Variants in ANK3 observed in about 807,000 individuals in gnomAD.
The protein encoded by ANK3 is ankyrin-3.
Under a neutral mutation model 370.9 loss-of-function variants are expected in ANK3, and 57 were observed. The ratio of observed to expected loss-of-function variants is 0.15; its 90% CI spans 0.12 to 0.19. The LOEUF (loss-of-function observed/expected upper bound fraction) is 0.19, where lower values mean the gene tolerates loss of function less well. Ranked by LOEUF, ANK3 falls within the 10% of genes least tolerant of loss-of-function variation. The probability of loss-of-function intolerance (pLI) is 1.00; values close to 1 mark genes in which losing one functional copy is unlikely to be tolerated. For missense variants in ANK3, 4,439 were observed against 5,302.1 expected (o/e 0.84, Z 5.06); for synonymous variants, 1,929 against 1,946.3 (o/e 0.99, Z 0.23).
chr10:60,366,246 T>G (rs1416891560), intron 1 of ANK3, among the ~76,000 whole-genome samples: 2 of 152,034 alleles, frequency 1.3e-5, no homozygotes, highest in Non-Finnish European at 2.9e-5. Flanking sequence ...GGCAAGAGGA[T>G]AGCTTGAACC....
At chr10:60,597,446 T>C (rs1467528590) in intron 2 of ANK3, among the ~76,000 whole-genome samples, 2 of 152,212 alleles carry the variant, frequency 1.3e-5, no homozygotes, top group Non-Finnish European at 2.9e-5. Context: ...CCTATACTAC[T>C]GTATGTATTT....
At chr10:60,412,301 C>A (rs1324661058) in intron 2 of ANK3, among the ~76,000 whole-genome samples, 2 of 152,134 alleles carry the variant, frequency 1.3e-5, no homozygotes, top group African/African-American at 4.8e-5. Flanking sequence ...CTCATCCAAT[C>A]CCCTGAGAGC....
At chr10:60,076,986 G>A (rs557021368) in intron 36 of ANK3, among the ~76,000 whole-genome samples, 9 of 152,114 alleles carry the variant, frequency 5.9e-5, no homozygotes, top group Non-Finnish European at 1.3e-4. Context: ...AATATATGTA[G>A]CTATACATTA....
At chr10:60,559,981 T>C (rs1243911477) in intron 2 of ANK3, among the ~76,000 whole-genome samples, 2 of 152,032 alleles carry the variant, frequency 1.3e-5, no homozygotes, top group Admixed American at 1.3e-4. Flanking sequence ...AGGCAGAGGT[T>C]GCAGTGACCC....
chr10:60,608,281 C>G (rs1175612540), intron 2 of ANK3, among the ~76,000 whole-genome samples: 1 of 152,154 alleles, frequency 6.6e-6, no homozygotes, highest in Admixed American at 6.6e-5. Flanking sequence ...TAAATATCAG[C>G]AGACTGGCCA....
chr10:60,597,799 T>C (rs973306637), intron 2 of ANK3, among the ~76,000 whole-genome samples: 5 of 152,264 alleles, frequency 3.3e-5, no homozygotes, highest in East Asian at 1.9e-4. Context: ...CCTTGAGCAA[T>C]AGGAACTGCA....
intron 43 of ANK3, among the ~76,000 whole-genome samples, chr10:60,034,008 A>C (rs942030180): frequency 4.7e-5 from 7 of 147,956 alleles, no homozygotes; most frequent in Admixed American, 4.7e-4. Context: ...CTCAAAGTTT[A>C]ATCTGCATTA....
At chr10:60,716,594 A>G (rs1239032481) in intron 1 of ANK3, among the ~76,000 whole-genome samples, 2 of 152,082 alleles carry the variant, frequency 1.3e-5, no homozygotes, top group Non-Finnish European at 2.9e-5. Flanking sequence ...GCTCACTGCA[A>G]CCTCCACCTC....
At chr10:60,454,902 AG>A (rs1335806942) in intron 2 of ANK3, among the ~76,000 whole-genome samples, 3 of 152,296 alleles carry the variant, frequency 2.0e-5, no homozygotes, top group South Asian at 2.1e-4. Context: ...CAAATTGAGC[AG>A]GGGGAAAGTA....
intron 2 of ANK3, among the ~76,000 whole-genome samples, chr10:60,448,204 G>A (rs970476656): frequency 3.3e-5 from 5 of 152,152 alleles, no homozygotes; most frequent in Non-Finnish European, 7.3e-5. Flanking sequence ...TATGTTCTAC[G>A]ACTGCAAAAT....
intron 43 of ANK3, among the ~76,000 whole-genome samples, chr10:60,033,904 A>G (rs77940877): frequency 6.6e-6 from 1 of 152,038 alleles, no homozygotes; most frequent in African/African-American, 2.4e-5. Context: ...ATCCCATACC[A>G]GTTTATATAG....
Position 60,336,114 on chromosome 10 carries a change from G to T in ANK3, c.114+53311C>A, listed in dbSNP as rs1594033941. ...GCGGGGGGGGGAAGCTGGTGCCAAGGAGCAGGCAAAAGTCACATTGGGGCA... is the reference window on the plus strand; with the variant it reads ...GCGGGGGGGGGAAGCTGGTGCCAAGTAGCAGGCAAAAGTCACATTGGGGCA... On this transcript the variant is annotated intron_variant, in intron 1 of 43. Coordinates refer to ENST00000280772, the MANE Select transcript of ANK3 (RefSeq NM_020987.5). Among the ~76,000 whole-genome samples, 3 of 152,048 alleles carry T rather than the reference G, an allele frequency of 2.0e-5. No homozygotes were observed. The East Asian group carries it at 5.8e-4, about 29-fold the overall frequency.
chr10:60,069,832 G>T lies in ANK3; in HGVS notation c.11049C>A (p.Asn3683Lys), dbSNP rs753336556. The change falls in exon 37 of 44, where the codon AAC becomes AAA. Residue 3683 changes from asparagine to lysine, a missense_variant. Physicochemically the swap from Asn to Lys is moderately conservative, Grantham distance 94. Coordinates refer to ENST00000280772, the MANE Select transcript of ANK3 (RefSeq NM_020987.5). Reference protein sequence around the residue: ...RNVETPTVEPNPSIPTSGECQ... With the variant: ...RNVETPTVEPKPSIPTSGECQ... The stretch of plus-strand genomic sequence containing the variant: ...ACTCTCCGCTGGTCGGGATGCTGGG[G>T]TTAGGTTCCACTGTAGGTGTCTCTA... 2 of 1,614,110 alleles carry T rather than the reference G, an allele frequency of 1.2e-6. No homozygotes were observed. Among genetic ancestry groups the T allele is most frequent in the South Asian group, 2.2e-5 (2 of 91,074 alleles).
intron 1 of ANK3, among the ~76,000 whole-genome samples, chr10:60,668,014 C>T (rs1168547505): frequency 2.0e-5 from 3 of 151,444 alleles, no homozygotes; most frequent in Non-Finnish European, 2.9e-5. Flanking sequence ...AAAAAATCCA[C>T]TTCTAGCAAA....
intron 8 of ANK3, among the ~76,000 whole-genome samples, chr10:60,225,808 T>C (rs2097130527): frequency 6.6e-6 from 1 of 151,976 alleles, no homozygotes; most frequent in Non-Finnish European, 1.5e-5. Flanking sequence ...TTGTGTTTAT[T>C]GTCCCTCGTT....
At chr10:60,160,815 T>C (rs1309399810) in intron 23 of ANK3, among the ~76,000 whole-genome samples, 1 of 151,424 alleles carries the variant, frequency 6.6e-6, no homozygotes, top group Non-Finnish European at 1.5e-5. Context: ...GATCATTTAA[T>C]TAATGCTGAA....
intron 12 of ANK3, among the ~76,000 whole-genome samples, chr10:60,201,437 G>C (rs1313216712): frequency 6.6e-6 from 1 of 152,136 alleles, no homozygotes; most frequent in Non-Finnish European, 1.5e-5. Context: ...AGTCCAATGA[G>C]TGTTATTATG....
intron 2 of ANK3, among the ~76,000 whole-genome samples, chr10:60,458,355 T>C (rs1383266456): frequency 6.6e-6 from 1 of 152,104 alleles, no homozygotes; most frequent in Non-Finnish European, 1.5e-5. Flanking sequence ...GAAGGTACAT[T>C]CCAACATCTC....
chr10:60,631,402 C>A (rs547658336), intron 1 of ANK3, among the ~76,000 whole-genome samples: 2 of 151,912 alleles, frequency 1.3e-5, no homozygotes, highest in Non-Finnish European at 2.9e-5. Flanking sequence ...CATGGAGGTG[C>A]GTGCCTCTAG....
Sources: allele counts gnomAD v4.1 joint callset (sites outside exome capture counted in the v4.1 genomes callset), GRCh38; gene constraint gnomAD v4.1.1; transcripts MANE v1.5; gene names NCBI Gene and HGNC (gene_info 2026-07-23, HGNC 2026-07-21).